UBE2L6: variants seen among roughly 807,000 people sequenced by gnomAD.
UBE2L6 encodes the protein ubiquitin conjugating enzyme E2 L6, also known as ubiquitin/ISG15-conjugating enzyme E2 L6.
A neutral mutation model predicts 13.6 loss-of-function variants in UBE2L6; 11 were observed. The ratio of observed to expected loss-of-function variants is 0.81; its 90% CI spans 0.51 to 1.34. UBE2L6 has a LOEUF of 1.34. Ranked by LOEUF, UBE2L6 falls within the 40% of genes most tolerant of loss-of-function variation. The pLI, the probability that UBE2L6 is intolerant of heterozygous loss-of-function variation, is 0.00. For synonymous variants in UBE2L6, 74 were observed against 83.2 expected, an observed-to-expected ratio of 0.89 and a Z score of 0.60; for missense variants, 197 against 199.5, an observed-to-expected ratio of 0.99 and a Z score of 0.07.
rs1180196107 is a variant in UBE2L6, at chr11:57,560,407, G to C, written c.53C>G (p.Pro18Arg). The C allele has an allele frequency of 1.2e-6, 2 of 1,613,586 alleles. No individual in the cohort carries two copies. The highest frequency in any genetic ancestry group is 1.7e-6 in the Non-Finnish European group (2 of 1,179,928). ...GGACAGGTTCCGCAGGTATGGGGGA[G>C]GCTTCTTCTGAAGATCCTCCAGCTC... Reference protein sequence around the residue: ...VKELEDLQKKPPPYLRNLSSD... With the variant: ...VKELEDLQKKRPPYLRNLSSD... The change falls in exon 2 of 4, where the codon CCT becomes CGT. Residue 18 changes from proline (P) to arginine (R), a missense_variant. Pro to Arg is a moderately radical substitution (Grantham distance 103). Coordinates refer to ENST00000287156, the MANE Select transcript of UBE2L6 (RefSeq NM_004223.5).
intron 2 of UBE2L6, among the ~76,000 whole-genome samples, chr11:57,559,473 T>C (rs1000646333): frequency 6.6e-6 from 1 of 152,078 alleles, no homozygotes; most frequent in Admixed American, 6.6e-5. Flanking sequence ...TAGCCAGGCA[T>C]AGTGGCACGT....
At chr11:57,565,771 C>G (rs918530113) in intron 1 of UBE2L6, among the ~76,000 whole-genome samples, 7 of 152,108 alleles carry the variant, frequency 4.6e-5, no homozygotes, top group Non-Finnish European at 1.0e-4. Flanking sequence ...GTAGTAACCT[C>G]AAATCTAAAA....
chr11:57,556,287 C>G (rs557016390), intron 2 of UBE2L6, among the ~76,000 whole-genome samples: 5 of 152,094 alleles, frequency 3.3e-5, no homozygotes, highest in South Asian at 2.1e-4. Context: ...CACTCACTAG[C>G]CATGTGATCT....
At chr11:57,556,592 CAAA>C (rs368936864) in intron 2 of UBE2L6, among the ~76,000 whole-genome samples, 27,782 of 71,788 alleles carry the variant, frequency 0.39, 2,616 homozygotes, top group East Asian at 0.6. Flanking sequence ...AACTCCGTCT[CAAA>C]AAAAAAAAAA....
chr11:57,563,167 A>G (rs1191601515), intron 1 of UBE2L6, among the ~76,000 whole-genome samples: 2 of 152,112 alleles, frequency 1.3e-5, no homozygotes, highest in African/African-American at 4.8e-5. Context: ...AATAATTAAA[A>G]AGAATCAAGG....
chr11:57,560,034 T>C (rs927185020), intron 2 of UBE2L6, among the ~76,000 whole-genome samples: 1 of 152,202 alleles, frequency 6.6e-6, no homozygotes, highest in East Asian at 1.9e-4. Flanking sequence ...GAAATCTTTA[T>C]TTCTTCTTCT....
intron 1 of UBE2L6, among the ~76,000 whole-genome samples, chr11:57,560,736 T>A (rs2135279126): frequency 6.6e-6 from 1 of 151,826 alleles, no homozygotes; most frequent in South Asian, 2.1e-4. Flanking sequence ...TTCTCCTGCC[T>A]CAGCCTCCCG....
In UBE2L6 at chr11:57,552,316, C is replaced by T. The variant is rs779771908; in HGVS notation, c.*42G>A. ...CCTCAGTCCATGAGGTGTGTCCGTC[C>T]GCTATGCCGAGGATCCAGTGCACAG... On this transcript the variant is annotated 3_prime_UTR_variant, in exon 4 of 4. Transcript: ENST00000287156. The T allele has an allele frequency of 1.4e-5, 22 of 1,609,754 alleles. No homozygotes were observed. The highest frequency in any genetic ancestry group is 1.6e-4 in the Middle Eastern group (1 of 6,064).
intron 2 of UBE2L6, 47 bp downstream of exon 2, chr11:57,560,290 G>A (rs775681335): frequency 6.7e-7 from 1 of 1,500,444 alleles, no homozygotes; most frequent in Non-Finnish European, 9.3e-7. Context: ...CATGTCCCTG[G>A]CCTAATTTGG....
intron 1 of UBE2L6, among the ~76,000 whole-genome samples, chr11:57,561,282 A>G (rs938154133): frequency 2.0e-5 from 3 of 152,190 alleles, no homozygotes; most frequent in Non-Finnish European, 4.4e-5. Context: ...CAAGTGGGGA[A>G]ACAAGGGGGC....
intron 1 of UBE2L6, among the ~76,000 whole-genome samples, chr11:57,565,054 C>T (rs1480742619): frequency 6.6e-6 from 1 of 151,988 alleles, no homozygotes; most frequent in Non-Finnish European, 1.5e-5. Context: ...ACTAGCCTGA[C>T]CAACATGGAG....
Position 57,555,577 on chromosome 11 carries a change from T to C in UBE2L6, c.124-954A>G, listed in dbSNP as rs534866327. 1.7e-3 allele frequency among the ~76,000 whole-genome samples: 263 copies of C among 151,842 alleles called. 2 individuals carry two copies. The highest frequency in any genetic ancestry group is 2.0e-3 in the Admixed American group (30 of 15,234). On this transcript the variant is annotated intron_variant, in intron 2 of 3. Coordinates refer to ENST00000287156, the MANE Select transcript of UBE2L6 (RefSeq NM_004223.5). ...CGGTGGTGATGGTTGTGCAACAATG[T>C]GTGTTTGTTTGTTTACTGAAGCAGG...
At chr11:57,554,315 C>G in intron 3 of UBE2L6, 122 bp downstream of exon 3, 3 of 1,222,470 alleles carry the variant, frequency 2.5e-6, no homozygotes, top group Non-Finnish European at 3.4e-6. Context: ...TAAGTTCAGC[C>G]AAGACTCACA....
chr11:57,566,740 G>C (rs761881175), intron 1 of UBE2L6, among the ~76,000 whole-genome samples: 4 of 152,122 alleles, frequency 2.6e-5, no homozygotes, highest in Non-Finnish European at 5.9e-5. Flanking sequence ...CCACCCTGCA[G>C]ACTGGAAGGG....
chr11:57,567,529 G>A lies in UBE2L6; in HGVS notation c.27+56C>T, dbSNP rs79468197. On this transcript the variant is annotated intron_variant, in intron 1 of 3. Transcript: ENST00000287156. ...AGCCGCGGAGGGGATGGAGGGAGGA[G>A]GGAATGCGGGAGGCGAGGGGAGCCA... 1.7e-3 allele frequency: 2,697 copies of A among 1,592,794 alleles called. 37 individuals are homozygous for A. In the African/African-American group the frequency reaches 0.033, roughly 19 times the overall value.
intron 1 of UBE2L6, among the ~76,000 whole-genome samples, chr11:57,561,685 G>A (rs1479185799): frequency 6.6e-6 from 1 of 152,178 alleles, no homozygotes; most frequent in African/African-American, 2.4e-5. Flanking sequence ...AGTACATTTG[G>A]TAAATCTCGG....
intron 2 of UBE2L6, among the ~76,000 whole-genome samples, 189 bp from the exon 3 acceptor site, chr11:57,554,812 C>T (rs1275949196): frequency 6.6e-6 from 1 of 152,214 alleles, no homozygotes; most frequent in African/African-American, 2.4e-5. Context: ...AGGGCACTGG[C>T]CTGGGAGGCA....
intron 1 of UBE2L6, among the ~76,000 whole-genome samples, chr11:57,565,369 T>G (rs1261718035): frequency 9.5e-6 from 1 of 105,520 alleles, no homozygotes; most frequent in Admixed American, 9.0e-5. Flanking sequence ...TTTTTTTTTT[T>G]TTTTTTTTTT....
At chr11:57,561,731 C>A (rs900397523) in intron 1 of UBE2L6, among the ~76,000 whole-genome samples, 1 of 152,152 alleles carries the variant, frequency 6.6e-6, no homozygotes, top group Non-Finnish European at 1.5e-5. Context: ...CTTCCCACAG[C>A]CTTTAATATG....
Sources: gnomAD v4.1 joint callset for allele counts (sites outside exome capture counted in the v4.1 genomes callset) on GRCh38, gnomAD v4.1.1 for gene constraint, MANE v1.5 for transcripts, NCBI Gene and HGNC (gene_info 2026-07-23, HGNC 2026-07-21) for gene names.